The following PTPRM variants were observed in gnomAD, a reference collection of about 807,000 sequenced individuals.
PTPRM encodes protein tyrosine phosphatase receptor type M, also known as receptor-type tyrosine-protein phosphatase mu.
PTPRM carries 47 observed loss-of-function variants against 186.7 expected under a neutral mutation model. The ratio of observed to expected loss-of-function variants is 0.25; its 90% CI spans 0.20 to 0.32. PTPRM has a LOEUF of 0.32. Among genes scored for constraint, PTPRM ranks in the 10% least tolerant of loss-of-function variants. The pLI is 1.00. For synonymous variants in PTPRM, 668 were observed against 674.9 expected (o/e 0.99, Z 0.16); for missense variants, 1,494 against 1,865.0 (o/e 0.80, Z 3.66).
At chr18:7,650,032 G>A (rs1478880694) in intron 1 of PTPRM, among the ~76,000 whole-genome samples, 2 of 152,160 alleles carry the variant, frequency 1.3e-5, no homozygotes, top group Non-Finnish European at 1.5e-5. Context: ...ACAAAATTAT[G>A]TGACTCAGTT....
intron 9 of PTPRM, among the ~76,000 whole-genome samples, chr18:8,080,165 C>CT (rs35257915): frequency 1.3e-5 from 2 of 151,612 alleles, no homozygotes; most frequent in Admixed American, 6.6e-5. Context: ...ATTTTGCAGT[C>CT]TTTTTTTTTG....
chr18:8,087,966 A>G lies in PTPRM; in HGVS notation c.1754-783A>G, dbSNP rs911211384. Among the ~76,000 whole-genome samples the G allele has an allele frequency of 3.9e-5, 6 of 152,174 alleles. No individual in the cohort carries two copies. In the South Asian group the frequency reaches 6.2e-4, roughly 16 times the overall value. ...CTATCATAATAAGACTTAACAGTCT[A>G]GAGAAGGAAGATGCTGGAAACTGGC... On this transcript the variant is annotated intron_variant, in intron 10 of 32. Coordinates refer to ENST00000580170, the MANE Select transcript of PTPRM (RefSeq NM_001105244.2).
At chr18:8,090,922 T>G (rs894882015) in intron 11 of PTPRM, among the ~76,000 whole-genome samples, 1 of 152,164 alleles carries the variant, frequency 6.6e-6, no homozygotes, top group African/African-American at 2.4e-5. Context: ...TAATTGCTCT[T>G]TGCGCAATAT....
At chr18:7,740,285 A>G (rs2040861041) in intron 1 of PTPRM, among the ~76,000 whole-genome samples, 2 of 152,196 alleles carry the variant, frequency 1.3e-5, no homozygotes, top group African/African-American at 4.8e-5. Flanking sequence ...TTGACCTAAA[A>G]GGAGGAAACT....
At chr18:8,264,774 CA>C (rs577367071) in intron 19 of PTPRM, among the ~76,000 whole-genome samples, 7,851 of 99,974 alleles carry the variant, frequency 0.079, 247 homozygotes, top group South Asian at 0.17. Flanking sequence ...GACTCCATCT[CA>C]AAAAAAAAAA....
intron 19 of PTPRM, among the ~76,000 whole-genome samples, chr18:8,259,208 C>G (rs1489062101): frequency 6.6e-6 from 1 of 152,144 alleles, no homozygotes; most frequent in Non-Finnish European, 1.5e-5. Context: ...CTCAGCCTCC[C>G]AAAATACTAG....
chr18:7,593,301 C>T (rs1314338609), intron 1 of PTPRM, among the ~76,000 whole-genome samples: 3 of 151,980 alleles, frequency 2.0e-5, no homozygotes, highest in South Asian at 2.1e-4. Flanking sequence ...GGTTTTTTGT[C>T]GTTAAGATAA....
intron 14 of PTPRM, among the ~76,000 whole-genome samples, chr18:8,183,772 A>T (rs1601070235): frequency 6.6e-6 from 1 of 152,334 alleles, no homozygotes; most frequent in South Asian, 2.1e-4. Flanking sequence ...GACTAAAAAT[A>T]AACAGGTAGA....
chr18:7,806,046 G>A (rs941420787), intron 2 of PTPRM, among the ~76,000 whole-genome samples: 6 of 152,214 alleles, frequency 3.9e-5, no homozygotes, highest in African/African-American at 1.4e-4. Context: ...TTAAGCAGAG[G>A]CTGCAGGCTG....
At chr18:7,585,649 A>G (rs761617058) in intron 1 of PTPRM, among the ~76,000 whole-genome samples, 8 of 151,756 alleles carry the variant, frequency 5.3e-5, no homozygotes, top group South Asian at 2.1e-4. Flanking sequence ...TCCCTCATCT[A>G]TCTCCCTCTC....
rs116531885 is a variant in PTPRM, at chr18:8,113,590, T to C, written c.1961T>C (p.Leu654Pro). Residue 654 changes from leucine to proline, a missense_variant, in exon 12 of 33, where the codon CTG (leucine) becomes CCG (proline). Leu to Pro is a moderately conservative substitution (Grantham distance 98). This residue lies in a region of PTPRM where 1,107 missense variants were observed against 1,350.2 expected (regional missense o/e 0.82). Coordinates refer to ENST00000580170, the MANE Select transcript of PTPRM (RefSeq NM_001105244.2). ...PVPIHFQNAS[L>P]LNSQYYFAAE... ...CCAATTCACTTCCAGAATGCTTCTC[T>C]GCTGAACTCACAGTACTACTTTGCT... is the stretch of plus-strand genomic sequence containing the variant. 1.9e-6 allele frequency: 3 copies of C among 1,614,072 alleles called. No homozygotes were observed. Among genetic ancestry groups the C allele is most frequent in the Non-Finnish European group, 2.5e-6 (3 of 1,180,004 alleles).
intron 14 of PTPRM, among the ~76,000 whole-genome samples, chr18:8,147,783 T>C (rs1231397083): frequency 6.6e-6 from 1 of 152,232 alleles, no homozygotes; most frequent in East Asian, 1.9e-4. Context: ...GCTGTGGGTT[T>C]GTCATAAATA....
intron 23 of PTPRM, among the ~76,000 whole-genome samples, chr18:8,370,189 CAAAAAAAA>C (rs11288424): frequency 1.6e-5 from 2 of 121,870 alleles, no homozygotes; most frequent in Non-Finnish European, 3.4e-5. Flanking sequence ...ACATTCTTAC[CAAAAAAAA>C]AAAAAAAAAT....
At chr18:7,926,243 A>T (rs1291059326) in intron 4 of PTPRM, among the ~76,000 whole-genome samples, 5 of 152,178 alleles carry the variant, frequency 3.3e-5, no homozygotes, top group African/African-American at 1.2e-4. Context: ...GTTTCAGTAT[A>T]ATCTTTATTA....
At chr18:8,038,952 A>G (rs2086520781) in intron 7 of PTPRM, among the ~76,000 whole-genome samples, 1 of 152,132 alleles carries the variant, frequency 6.6e-6, no homozygotes, top group African/African-American at 2.4e-5. Flanking sequence ...TGGTCTGAAT[A>G]TTAGTAAATA....
At chr18:7,729,199 C>T (rs1234225629) in intron 1 of PTPRM, among the ~76,000 whole-genome samples, 1 of 152,218 alleles carries the variant, frequency 6.6e-6, no homozygotes, top group Non-Finnish European at 1.5e-5. Context: ...TGTGAGCCCA[C>T]ACTGGCCCCC....
intron 2 of PTPRM, among the ~76,000 whole-genome samples, chr18:7,870,282 CTAA>C (rs2047919551): frequency 6.6e-6 from 1 of 152,108 alleles, no homozygotes; most frequent in Non-Finnish European, 1.5e-5. Flanking sequence ...ACTTATGCTC[CTAA>C]CTACCCCTGG....
chr18:8,209,272 A>G (rs899549101), intron 14 of PTPRM, among the ~76,000 whole-genome samples: 1 of 152,176 alleles, frequency 6.6e-6, no homozygotes, highest in Non-Finnish European at 1.5e-5. Flanking sequence ...GACTGCACCG[A>G]CAGCACAGGC....
chr18:8,253,181 A>C, intron 18 of PTPRM, 46 bp from the exon 19 acceptor site: 1 of 1,335,322 alleles, frequency 7.5e-7, no homozygotes, highest in Non-Finnish European at 9.8e-7. Flanking sequence ...ATGCCGACCT[A>C]GCTCCCTGGC....
Sources: gnomAD v4.1 joint callset for allele counts (sites outside exome capture counted in the v4.1 genomes callset) on GRCh38, gnomAD v4.1.1 for gene constraint, gnomAD v4.1.1 regional missense constraint, MANE v1.5 for transcripts, NCBI Gene and HGNC (gene_info 2026-07-23, HGNC 2026-07-21) for gene names.